Variants in RSPH9 observed in about 807,000 individuals in gnomAD.
RSPH9 encodes radial spoke head protein 9 homolog.
A neutral mutation model predicts 27.0 loss-of-function variants in RSPH9; 27 were observed. The ratio of observed to expected loss-of-function variants is 1.00; its 90% CI spans 0.74 to 1.38. RSPH9 has a LOEUF of 1.38. Ranked by LOEUF, RSPH9 falls within the 40% of genes most tolerant of loss-of-function variation. The probability of loss-of-function intolerance (pLI) is 0.00; values close to 1 mark genes in which losing one functional copy is unlikely to be tolerated. For missense variants in RSPH9, 347 were observed against 357.4 expected, an observed-to-expected ratio of 0.97 and a Z score of 0.24; for synonymous variants, 145 against 147.7, an observed-to-expected ratio of 0.98 and a Z score of 0.13.
chr6:43,652,080 G>A (rs944279629), intron 2 of RSPH9, among the ~76,000 whole-genome samples: 2 of 151,666 alleles, frequency 1.3e-5, no homozygotes, highest in Non-Finnish European at 2.9e-5. Context: ...GCTGAGGCGG[G>A]TGGATCACGA....
chr6:43,649,005 A>C (rs1771168600), intron 1 of RSPH9, among the ~76,000 whole-genome samples: 1 of 152,084 alleles, frequency 6.6e-6, no homozygotes, highest in African/African-American at 2.4e-5. Flanking sequence ...ATCATGGCAC[A>C]GTGGGCTGAA....
intron 4 of RSPH9, among the ~76,000 whole-genome samples, chr6:43,668,852 G>C (rs1463536135): frequency 5.3e-5 from 8 of 152,222 alleles, no homozygotes; most frequent in Non-Finnish European, 1.2e-4. Flanking sequence ...CCTGGTCCCT[G>C]ACGATACTCT....
At chr6:43,646,257 G>A (rs1284018852) in intron 1 of RSPH9, among the ~76,000 whole-genome samples, 1 of 151,620 alleles carries the variant, frequency 6.6e-6, no homozygotes, top group Non-Finnish European at 1.5e-5. Flanking sequence ...TCAGCCTCCC[G>A]AGTGGCTGGG....
At chr6:43,647,904 C>T (rs6941541) in intron 1 of RSPH9, among the ~76,000 whole-genome samples, 11,324 of 152,056 alleles carry the variant, frequency 0.074, 1,399 homozygotes, top group African/African-American at 0.26. Context: ...GGGCAGGGAA[C>T]GGAAGATAGA....
intron 2 of RSPH9, among the ~76,000 whole-genome samples, chr6:43,652,933 C>T (rs1215698635): frequency 2.0e-5 from 3 of 152,180 alleles, no homozygotes; most frequent in East Asian, 3.9e-4. Context: ...ATCCTCCAGC[C>T]TCAGCCTCTC....
chr6:43,668,366 G>A (rs569376020), intron 4 of RSPH9, among the ~76,000 whole-genome samples: 3 of 152,284 alleles, frequency 2.0e-5, no homozygotes, highest in Admixed American at 2.0e-4. Context: ...ACAGGAATGC[G>A]AGGGAGGGAG....
chr6:43,659,726 T>C (rs1261037420), intron 4 of RSPH9, among the ~76,000 whole-genome samples: 3 of 150,874 alleles, frequency 2.0e-5, no homozygotes, highest in Non-Finnish European at 4.4e-5. Context: ...CTTTTATTTT[T>C]ATTTATTATT....
chr6:43,670,871 T>C lies in RSPH9; in HGVS notation c.753T>C (p.His251=). ...SLLWPGLTFY[H]APRTKNYGYV... Reference sequence around the variant, plus strand: ...TCTGGCCGGGCCTCACCTTCTACCATGCTCCCCGCACCAAGAACTATGGCT... The same window carrying C: ...TCTGGCCGGGCCTCACCTTCTACCACGCTCCCCGCACCAAGAACTATGGCT... Residue 251 remains histidine, a synonymous_variant, in exon 5 of 5, where the codon CAT becomes CAC. Transcript: ENST00000372163. The C allele has an allele frequency of 1.9e-6, 3 of 1,614,214 alleles. No homozygotes were observed. Among genetic ancestry groups the C allele is most frequent in the South Asian group, 1.1e-5 (1 of 91,090 alleles).
At chr6:43,669,269 A>C (rs1561946276) in intron 4 of RSPH9, among the ~76,000 whole-genome samples, 1 of 152,306 alleles carries the variant, frequency 6.6e-6, no homozygotes, top group Non-Finnish European at 1.5e-5. Context: ...GCACGGTGCT[A>C]AAGTGAGCTT....
chr6:43,664,908 G>A (rs1293081597), intron 4 of RSPH9, among the ~76,000 whole-genome samples: 4 of 152,204 alleles, frequency 2.6e-5, no homozygotes, highest in Non-Finnish European at 5.9e-5. Flanking sequence ...CGGTGGTGAT[G>A]GAACCTCAGA....
intron 4 of RSPH9, among the ~76,000 whole-genome samples, chr6:43,669,790 A>G (rs1773530002): frequency 6.6e-6 from 1 of 152,130 alleles, no homozygotes; most frequent in Non-Finnish European, 1.5e-5. Flanking sequence ...CTGGAGCTTA[A>G]TCAGGCCCTT....
intron 2 of RSPH9, among the ~76,000 whole-genome samples, chr6:43,653,654 T>G (rs1771716348): frequency 1.3e-5 from 2 of 152,082 alleles, no homozygotes; most frequent in African/African-American, 4.8e-5. Flanking sequence ...AGCCCTCAGC[T>G]GCATCCTCAC....
chr6:43,645,386 GGC>G, intron 1 of RSPH9, 61 bp downstream of exon 1: 1 of 1,081,160 alleles, frequency 9.2e-7, no homozygotes, highest in Admixed American at 1.8e-5. Context: ...GGGCGGGGTG[GGC>G]GGGTCGCAGC....
chr6:43,645,890 C>A (rs1051264260), intron 1 of RSPH9, among the ~76,000 whole-genome samples: 2 of 152,048 alleles, frequency 1.3e-5, no homozygotes, highest in African/African-American at 4.8e-5. Flanking sequence ...AGAACGAATG[C>A]GGAATGGGGA....
rs1389263519 is a variant in RSPH9 at position 43,656,040 on chromosome 6, T to G, written c.523+349T>G. Among the ~76,000 whole-genome samples, 511 of 78,358 alleles carry G rather than the reference T, an allele frequency of 6.5e-3. 7 individuals are homozygous for G. Among genetic ancestry groups the G allele is most frequent in the African/African-American group, 0.036 (492 of 13,654 alleles). The allele number at this position is 78,358 out of a possible 152,430, so 51.4% of individuals were successfully genotyped here. ...TCCTTCCTTCCTTCCTTCCTTCCCC[T>G]TCTTTCCCTTCTTTCCCTTCTTTCC... On this transcript the variant is annotated intron_variant, in intron 3 of 4. Coordinates refer to ENST00000372163, the MANE Select transcript of RSPH9 (RefSeq NM_152732.5).
chr6:43,646,592 A>G (rs1770893166), intron 1 of RSPH9, among the ~76,000 whole-genome samples: 1 of 150,878 alleles, frequency 6.6e-6, no homozygotes, highest in Non-Finnish European at 1.5e-5. Context: ...CTTTTTGACT[A>G]AAGGGGAGCT....
At chr6:43,645,948 C>CTATT (rs1295891734) in intron 1 of RSPH9, among the ~76,000 whole-genome samples, 2 of 152,040 alleles carry the variant, frequency 1.3e-5, no homozygotes. Context: ...GACCATCCAG[C>CTATT]TATTTATTTA....
intron 4 of RSPH9, among the ~76,000 whole-genome samples, chr6:43,670,339 C>T (rs1582402627): frequency 1.3e-5 from 2 of 152,212 alleles, no homozygotes; most frequent in Admixed American, 1.3e-4. Flanking sequence ...TGGTGGCTCA[C>T]ATCTGTAATC....
At chr6:43,649,607 A>G (rs2127889243) in intron 1 of RSPH9, among the ~76,000 whole-genome samples, 1 of 152,124 alleles carries the variant, frequency 6.6e-6, no homozygotes, top group African/African-American at 2.4e-5. Context: ...CTCCCAGCAG[A>G]AGGAAGTGAG....
Sources: allele counts gnomAD v4.1 joint callset (sites outside exome capture counted in the v4.1 genomes callset), GRCh38; gene constraint gnomAD v4.1.1; transcripts MANE v1.5; gene names NCBI Gene and HGNC (gene_info 2026-07-23, HGNC 2026-07-21).